Variants in RFX3 observed in about 807,000 individuals in gnomAD.
RFX3 encodes the protein regulatory factor X3.
In RFX3, 14 loss-of-function variants were observed where a neutral mutation model predicts 98.6. The ratio of observed to expected loss-of-function variants is 0.14; its 90% CI spans 0.09 to 0.22. The LOEUF (loss-of-function observed/expected upper bound fraction) is 0.22. Among genes scored for constraint, RFX3 ranks in the 10% least tolerant of loss-of-function variants. The pLI is 1.00. For missense variants in RFX3, 639 were observed against 926.9 expected, an observed-to-expected ratio of 0.69 and a Z score of 4.03; for synonymous variants, 383 against 328.4, an observed-to-expected ratio of 1.17 and a Z score of -1.80.
chr9:3,509,669 T>C (rs1030546710), intron 1 of RFX3, among the ~76,000 whole-genome samples: 33 of 152,002 alleles, frequency 2.2e-4, no homozygotes, highest in African/African-American at 7.7e-4. Context: ...AATTAGAACA[T>C]TAAGGTATTT....
At chr9:3,364,899 T>G (rs1357581065) in intron 2 of RFX3, 2 of 152,262 alleles carry the variant, frequency 1.3e-5, no homozygotes, top group Non-Finnish European at 2.9e-5. Context: ...TTTATGAATA[T>G]AAGATAAATC....
At chr9:3,357,392 G>C (rs1835904285) in intron 2 of RFX3, among the ~76,000 whole-genome samples, 2 of 151,864 alleles carry the variant, frequency 1.3e-5, no homozygotes, top group African/African-American at 2.4e-5. Context: ...AAAATTTAGA[G>C]TCTCTACTTT....
chr9:3,366,699 T>TTTCTTTCTTTCTTTCTTTC (rs2131476891), intron 2 of RFX3, among the ~76,000 whole-genome samples: 1 of 98,512 alleles, frequency 1.0e-5, no homozygotes, highest in South Asian at 3.2e-4. Context: ...CTTTCCTTTC[T>TTTCTTTCTTTCTTTCTTTC]TTCTTTCTTT....
chr9:3,389,749 T>C (rs959090442), intron 2 of RFX3, among the ~76,000 whole-genome samples: 2 of 152,050 alleles, frequency 1.3e-5, no homozygotes, highest in East Asian at 1.9e-4. Context: ...TAAAAAAACA[T>C]ATATTTCATG....
At chr9:3,437,246 A>G (rs1162074808) in intron 1 of RFX3, among the ~76,000 whole-genome samples, 1 of 152,010 alleles carries the variant, frequency 6.6e-6, no homozygotes, top group Non-Finnish European at 1.5e-5. Flanking sequence ...ATTCATGGAG[A>G]CTAGACTATA....
rs146415836 is a variant in RFX3 at position 3,350,196 on chromosome 9, G to T, written c.118-3432C>A. Reference sequence around the variant, plus strand: ...ATGAAAAGACAAGCCACAAACTGGGGAAGAATATTTGCAATACTGATCTGA... The same window carrying T: ...ATGAAAAGACAAGCCACAAACTGGGTAAGAATATTTGCAATACTGATCTGA... On this transcript the variant is annotated intron_variant, in intron 2 of 16. Coordinates refer to ENST00000617270, the MANE Select transcript of RFX3 (RefSeq NM_001282116.2). Among the ~76,000 whole-genome samples, 41 of 152,152 alleles carry T rather than the reference G, an allele frequency of 2.7e-4. No individual in the cohort carries two copies. In the East Asian group the frequency reaches 7.7e-3, roughly 29 times the overall value.
intron 1 of RFX3, among the ~76,000 whole-genome samples, chr9:3,419,245 G>T (rs191552765): frequency 6.6e-6 from 1 of 152,222 alleles, no homozygotes. Context: ...CACAAAAATA[G>T]ATGCTGTACT....
At chr9:3,256,252 A>G (rs183981866) in intron 14 of RFX3, among the ~76,000 whole-genome samples, 30 of 151,968 alleles carry the variant, frequency 2.0e-4, no homozygotes, top group Middle Eastern at 3.4e-3. Flanking sequence ...TTACAGGCGT[A>G]AGCCACCGTG....
chr9:3,409,279 A>C (rs538365548), intron 1 of RFX3, among the ~76,000 whole-genome samples: 1 of 152,210 alleles, frequency 6.6e-6, no homozygotes, highest in Non-Finnish European at 1.5e-5. Context: ...ACTTAAGTAC[A>C]TTGTATACTT....
At chr9:3,299,447 AT>A (rs1161980541) in intron 5 of RFX3, among the ~76,000 whole-genome samples, 2 of 151,710 alleles carry the variant, frequency 1.3e-5, no homozygotes, top group Admixed American at 6.6e-5. Flanking sequence ...CCGTAGAATC[AT>A]TTTTGTTTCT....
At chr9:3,472,282 G>C (rs2133233749) in intron 1 of RFX3, among the ~76,000 whole-genome samples, 1 of 152,216 alleles carries the variant, frequency 6.6e-6, no homozygotes, top group Non-Finnish European at 1.5e-5. Flanking sequence ...GTGTTAAACA[G>C]ACCACAGCTC....
intron 15 of RFX3, among the ~76,000 whole-genome samples, chr9:3,239,284 C>A (rs16916157): frequency 0.11 from 16,395 of 152,168 alleles, 1,106 homozygotes; most frequent in African/African-American, 0.19. Flanking sequence ...TTGGTAAAAC[C>A]TTGTGTTCCT....
chr9:3,225,865 G>C (rs1586636722), intron 16 of RFX3, among the ~76,000 whole-genome samples: 1 of 152,202 alleles, frequency 6.6e-6, no homozygotes, highest in East Asian at 1.9e-4. Flanking sequence ...AATTATTAAG[G>C]TTGAGGCAGT....
chr9:3,434,849 C>CA (rs1564097335), intron 1 of RFX3, among the ~76,000 whole-genome samples: 1 of 152,020 alleles, frequency 6.6e-6, no homozygotes, highest in Non-Finnish European at 1.5e-5. Context: ...GTAAACATCA[C>CA]AGAGTGTTCT....
At chr9:3,516,788 T>C (rs1428791129) in intron 1 of RFX3, among the ~76,000 whole-genome samples, 1 of 152,196 alleles carries the variant, frequency 6.6e-6, no homozygotes, top group Non-Finnish European at 1.5e-5. Flanking sequence ...TTATGTCCTG[T>C]TTTAAATATC....
At chr9:3,465,584 G>A (rs551154313) in intron 1 of RFX3, among the ~76,000 whole-genome samples, 5 of 151,588 alleles carry the variant, frequency 3.3e-5, no homozygotes, top group East Asian at 3.9e-4. Flanking sequence ...GATTACAAGC[G>A]TGAGCCGCTG....
At chr9:3,515,478 G>C (rs968502121) in intron 1 of RFX3, among the ~76,000 whole-genome samples, 1 of 151,942 alleles carries the variant, frequency 6.6e-6, no homozygotes, top group Admixed American at 6.6e-5. Flanking sequence ...CCTACGCCCC[G>C]TAAGTCCCAC....
At chr9:3,426,486 T>C (rs1270856909) in intron 1 of RFX3, among the ~76,000 whole-genome samples, 2 of 152,100 alleles carry the variant, frequency 1.3e-5, no homozygotes, top group East Asian at 3.9e-4. Flanking sequence ...CATGGACTGT[T>C]AGGAAACAGA....
intron 9 of RFX3, among the ~76,000 whole-genome samples, chr9:3,274,003 T>A (rs1434737065): frequency 2.0e-5 from 3 of 152,156 alleles, no homozygotes; most frequent in Non-Finnish European, 2.9e-5. Flanking sequence ...AAGAAATAAT[T>A]TTCTCTATAT....
Sources: allele counts gnomAD v4.1 joint callset (sites outside exome capture counted in the v4.1 genomes callset), GRCh38; gene constraint gnomAD v4.1.1; transcripts MANE v1.5; gene names NCBI Gene and HGNC (gene_info 2026-07-23, HGNC 2026-07-21).